TCF7L1: variants seen among roughly 807,000 people sequenced by gnomAD.
TCF7L1 encodes the protein transcription factor 7-like 1.
In TCF7L1, 18 loss-of-function variants were observed where a neutral mutation model predicts 63.7. The observed-to-expected ratio is 0.28, with a 90% CI of 0.20 to 0.42. The LOEUF is 0.42. TCF7L1 is among the 10% of genes least tolerant of loss of function. The pLI, the probability that TCF7L1 is intolerant of heterozygous loss-of-function variation, is 1.00. For missense variants in TCF7L1, 654 were observed against 779.3 expected (o/e 0.84, Z 1.91); for synonymous variants, 355 against 340.9 (o/e 1.04, Z -0.46).
At position 85,152,900 on chromosome 2, in the gene TCF7L1, AC is replaced by A. The variant is rs576704576; in HGVS notation, c.441+18452del. ...AAAAAATAAGCATATATATATTTCTACCAACTGATACATTTCAAGAGATAAG... is the reference window on the plus strand; with the variant it reads ...AAAAAATAAGCATATATATATTTCTACAACTGATACATTTCAAGAGATAAG... On this transcript the variant is annotated intron_variant, in intron 3 of 11. Transcript: ENST00000282111. Among the ~76,000 whole-genome samples the A allele has an allele frequency of 1.4e-4, 21 of 152,344 alleles. No homozygotes were observed. The East Asian group carries it at 3.9e-3, about 28-fold the overall frequency.
chr2:85,185,483 G>A (rs1282199351), intron 3 of TCF7L1, among the ~76,000 whole-genome samples: 3 of 152,144 alleles, frequency 2.0e-5, no homozygotes, highest in Non-Finnish European at 4.4e-5. Flanking sequence ...TAAATGAGCT[G>A]TCTGGGGTCA....
chr2:85,165,638 G>A (rs906876701), intron 3 of TCF7L1, among the ~76,000 whole-genome samples: 8 of 152,276 alleles, frequency 5.3e-5, no homozygotes, highest in Non-Finnish European at 8.8e-5. Context: ...TGTTTGGGGC[G>A]GCCTGGAAAA....
intron 3 of TCF7L1, among the ~76,000 whole-genome samples, chr2:85,225,371 A>G (rs1035777573): frequency 6.6e-6 from 1 of 152,120 alleles, no homozygotes. Flanking sequence ...CTTGGGCAGT[A>G]TGGCCATTTT....
Position 85,262,792 on chromosome 2 carries a change from A to G in TCF7L1, c.442-20703A>G, listed in dbSNP as rs540949404. The stretch of plus-strand genomic sequence containing the variant: ...GATGCCATCCTCCAATAAGTTCTCC[A>G]GCAGATTCCCTTTGGAAGGCTACTC... On this transcript the variant is annotated intron_variant, in intron 3 of 11. Coordinates refer to ENST00000282111, the MANE Select transcript of TCF7L1 (RefSeq NM_031283.3). 2.6e-5 allele frequency among the ~76,000 whole-genome samples: 4 copies of G among 152,334 alleles called. No homozygotes were observed. The Middle Eastern group carries it at 0.014, about 518-fold the overall frequency.
chr2:85,152,437 C>CT lies in TCF7L1; in HGVS notation c.441+18002dup, dbSNP rs36116388. ...AAAGGATATACCATTCTCTCTCTCT[C>CT]TTTTTTTTTTTTTTTGAGACAGAGT... On this transcript the variant is annotated intron_variant, in intron 3 of 11. Coordinates refer to ENST00000282111, the MANE Select transcript of TCF7L1 (RefSeq NM_031283.3). Among the ~76,000 whole-genome samples the CT allele has an allele frequency of 1.1e-3, 139 of 131,896 alleles. 2 individuals carry two copies. Among genetic ancestry groups the CT allele is most frequent in the Middle Eastern group, 3.8e-3 (1 of 262 alleles). The allele number at this position is 131,896 out of a possible 152,430, so 86.5% of individuals were successfully genotyped here.
rs1158949532 is a variant in TCF7L1, at chr2:85,133,828, G to A, written c.144G>A (p.Glu48=). 1 of 1,494,548 alleles carries A rather than the reference G, an allele frequency of 6.7e-7. No homozygotes were observed. The highest frequency in any genetic ancestry group is 8.9e-7 in the Non-Finnish European group (1 of 1,120,994). The allele number at this position is 1,494,548 out of a possible 1,614,324, so 92.6% of individuals were successfully genotyped here. A position where few individuals can be genotyped will look rare whatever the true frequency, so the allele number is the denominator to read the frequency against. ...LIPFQDEGGE[E]QEPSSDSASA... ...CCTTCCAGGACGAGGGGGGCGAGGA[G>A]CAGGAGCCGAGCAGCGATAGCGCCT... The change falls in exon 1 of 12, where the codon GAG becomes GAA. Residue 48 remains glutamate (E), a synonymous_variant. Coordinates refer to ENST00000282111, the MANE Select transcript of TCF7L1 (RefSeq NM_031283.3). The surrounding 1 kb of genome is among the most constrained non-coding windows in gnomAD (Gnocchi z 4.4).
intron 6 of TCF7L1, 90 bp from the exon 7 acceptor site, chr2:85,304,165 C>T: frequency 7.1e-7 from 1 of 1,402,406 alleles, no homozygotes; most frequent in Non-Finnish European, 1.0e-6. Context: ...CCGCTTCCTT[C>T]CCATATTTCT....
intron 3 of TCF7L1, chr2:85,262,265 G>A (rs1680875573): frequency 1.9e-6 from 1 of 520,870 alleles, no homozygotes; most frequent in South Asian, 1.4e-5. Flanking sequence ...TGAGGTTGAT[G>A]GGCGCATCTT....
At chr2:85,282,794 T>TA (rs1681448243) in intron 3 of TCF7L1, among the ~76,000 whole-genome samples, 1 of 119,140 alleles carries the variant, frequency 8.4e-6, no homozygotes, top group African/African-American at 3.3e-5. Flanking sequence ...GAGAGAGAGA[T>TA]TGTGTGTGTG....
chr2:85,232,517 C>T (rs1256643274), intron 3 of TCF7L1, among the ~76,000 whole-genome samples: 1 of 152,132 alleles, frequency 6.6e-6, no homozygotes, highest in Non-Finnish European at 1.5e-5. Context: ...TGTCTCATTC[C>T]GCCAAGACCT....
chr2:85,180,775 C>A lies in TCF7L1; in HGVS notation c.441+46325C>A, dbSNP rs142063851. Among the ~76,000 whole-genome samples the A allele has an allele frequency of 2.0e-3, 309 of 152,354 alleles. 1 individual carries two copies. The highest frequency in any genetic ancestry group is 7.1e-3 in the African/African-American group (296 of 41,568). ...TCACTCGTGTCATCTGTAGCAGCCC[C>A]AACACATAGGTTAGGACCTGTCACT... On this transcript the variant is annotated intron_variant, in intron 3 of 11. Coordinates refer to ENST00000282111, the MANE Select transcript of TCF7L1 (RefSeq NM_031283.3).
intron 3 of TCF7L1, among the ~76,000 whole-genome samples, chr2:85,256,570 T>C (rs1680724925): frequency 6.6e-6 from 1 of 152,168 alleles, no homozygotes; most frequent in South Asian, 2.1e-4. Flanking sequence ...GGCGGGACAC[T>C]GGGAGGGGTC....
intron 3 of TCF7L1, among the ~76,000 whole-genome samples, chr2:85,199,859 G>A (rs1030217630): frequency 5.3e-5 from 8 of 152,136 alleles, no homozygotes; most frequent in South Asian, 2.1e-4. Context: ...ACGGAGTTGT[G>A]CAACCATCAC....
At chr2:85,212,118 TC>T (rs1269127932) in intron 3 of TCF7L1, among the ~76,000 whole-genome samples, 1 of 115,024 alleles carries the variant, frequency 8.7e-6, no homozygotes, top group African/African-American at 2.9e-5. Context: ...AAAAAAAAAT[TC>T]CAGACTTCTA....
chr2:85,302,658 C>T lies in TCF7L1; in HGVS notation c.658+42C>T, dbSNP rs148705233. ...TCAGGCAGTGCTGCTGCAGGGCAGG[C>T]GGGCTTCTCTTTTGTGGGAACATAA... On this transcript the variant is annotated intron_variant, in intron 5 of 11. Transcript: ENST00000282111. 8.1e-4 allele frequency: 1,286 copies of T among 1,583,714 alleles called. 8 individuals are homozygous for T. In the East Asian group the frequency reaches 0.012, roughly 15 times the overall value.
intron 3 of TCF7L1, among the ~76,000 whole-genome samples, chr2:85,223,016 AC>A (rs1165982947): frequency 6.6e-6 from 1 of 152,116 alleles, no homozygotes; most frequent in East Asian, 1.9e-4. Flanking sequence ...TAATTGCAGA[AC>A]CTGGTGGTGG....
intron 3 of TCF7L1, among the ~76,000 whole-genome samples, chr2:85,172,322 C>G (rs1163470003): frequency 6.6e-6 from 1 of 152,224 alleles, no homozygotes; most frequent in East Asian, 1.9e-4. Context: ...GGCCACCACC[C>G]CCACACCAAC....
chr2:85,239,502 C>G (rs1680276675), intron 3 of TCF7L1, among the ~76,000 whole-genome samples: 3 of 152,220 alleles, frequency 2.0e-5, no homozygotes, highest in African/African-American at 7.2e-5. Flanking sequence ...TGCCATGCCC[C>G]CAAACGCAGT....
At chr2:85,239,583 G>A (rs1282947861) in intron 3 of TCF7L1, among the ~76,000 whole-genome samples, 1 of 152,170 alleles carries the variant, frequency 6.6e-6, no homozygotes, top group African/African-American at 2.4e-5. Context: ...CTCCAGGGTG[G>A]TACTGTCCAA....
Sources: gnomAD v4.1 joint callset for allele counts (sites outside exome capture counted in the v4.1 genomes callset) on GRCh38, gnomAD v4.1.1 for gene constraint, Gnocchi (gnomAD v3.1) non-coding constraint, MANE v1.5 for transcripts, NCBI Gene and HGNC (gene_info 2026-07-23, HGNC 2026-07-21) for gene names.